The following NRG3 variants were observed in gnomAD, a reference collection of about 807,000 sequenced individuals.
NRG3 encodes the protein pro-neuregulin-3, membrane-bound isoform.
In NRG3, 31 loss-of-function variants were observed where a neutral mutation model predicts 66.9. The ratio of observed to expected loss-of-function variants is 0.46; its 90% CI spans 0.35 to 0.63. The LOEUF is 0.63. Among genes scored for constraint, NRG3 ranks in the 20% least tolerant of loss-of-function variants. NRG3 has a pLI of 0.00. For synonymous variants in NRG3, 393 were observed against 359.4 expected, an observed-to-expected ratio of 1.09 and a Z score of -1.06; for missense variants, 910 against 878.9, an observed-to-expected ratio of 1.04 and a Z score of -0.45.
chr10:82,255,617 A>C (rs879688064), intron 1 of NRG3, among the ~76,000 whole-genome samples: 1 of 152,082 alleles, frequency 6.6e-6, no homozygotes, highest in Non-Finnish European at 1.5e-5. Flanking sequence ...ACAAACAAAC[A>C]AAAAACACAG....
At chr10:82,940,352 G>T (rs1848481851) in intron 4 of NRG3, among the ~76,000 whole-genome samples, 1 of 152,218 alleles carries the variant, frequency 6.6e-6, no homozygotes, top group East Asian at 1.9e-4. Flanking sequence ...TCTGGTAATT[G>T]GCTGTCACTC....
chr10:81,939,625 A>T, intron 1 of NRG3, among the ~76,000 whole-genome samples: 4 of 144,886 alleles, frequency 2.8e-5, no homozygotes, highest in South Asian at 2.2e-4. Flanking sequence ...CTCCTCTTTC[A>T]TTTCTGGTTT....
intron 1 of NRG3, among the ~76,000 whole-genome samples, chr10:82,197,831 T>C (rs189322582): frequency 5.9e-5 from 9 of 152,194 alleles, no homozygotes; most frequent in Admixed American, 5.2e-4. Flanking sequence ...AAGAAAAATT[T>C]GTCTCTATTT....
chr10:81,933,318 C>T (rs1178594981), intron 1 of NRG3, among the ~76,000 whole-genome samples: 1 of 151,916 alleles, frequency 6.6e-6, no homozygotes, highest in African/African-American at 2.4e-5. Context: ...CACAGCAGCT[C>T]TGCAAGATAG....
chr10:82,373,167 T>C (rs1315868133), intron 2 of NRG3, among the ~76,000 whole-genome samples: 1 of 152,210 alleles, frequency 6.6e-6, no homozygotes, highest in Non-Finnish European at 1.5e-5. Flanking sequence ...GGTTACCATA[T>C]TGGCACATAT....
chr10:82,904,100 A>G (rs1016885029), intron 4 of NRG3, among the ~76,000 whole-genome samples: 1 of 152,184 alleles, frequency 6.6e-6, no homozygotes, highest in African/African-American at 2.4e-5. Context: ...ATGGTACAAG[A>G]CAAGCTTGTC....
chr10:82,444,505 A>G (rs2090612404), intron 2 of NRG3, among the ~76,000 whole-genome samples: 1 of 152,208 alleles, frequency 6.6e-6, no homozygotes, highest in Non-Finnish European at 1.5e-5. Context: ...AATAAATAAT[A>G]TATAATTTAA....
intron 1 of NRG3, among the ~76,000 whole-genome samples, chr10:82,145,647 C>T (rs1450603757): frequency 2.0e-5 from 3 of 152,078 alleles, no homozygotes; most frequent in African/African-American, 4.8e-5. Flanking sequence ...TGTTGATGTA[C>T]GCTGTGTGTT....
At chr10:82,575,304 A>T (rs760485995) in intron 2 of NRG3, among the ~76,000 whole-genome samples, 1 of 151,770 alleles carries the variant, frequency 6.6e-6, no homozygotes, top group Non-Finnish European at 1.5e-5. Context: ...GAAAGTTGAT[A>T]ATCCTGGGGG....
chr10:82,166,037 T>A (rs1027394726), intron 1 of NRG3, among the ~76,000 whole-genome samples: 3 of 152,088 alleles, frequency 2.0e-5, no homozygotes, highest in South Asian at 2.1e-4. Flanking sequence ...ATTAATTTTT[T>A]TTGTGATGGA....
rs547009870 is a variant in NRG3, at chr10:82,098,323, C to CTA, written c.823+222168_823+222169dup. On this transcript the variant is annotated intron_variant, in intron 1 of 8. Transcript: ENST00000372141. ...TCATATATATAGATATAGATGTCATCTATATATATGACATATATATAGATG... is the reference window on the plus strand; with the variant it reads ...TCATATATATAGATATAGATGTCATCTATATATATATGACATATATATAGATG... Among the ~76,000 whole-genome samples, 832 of 149,654 alleles carry CTA rather than the reference C, an allele frequency of 5.6e-3. 12 individuals are homozygous for CTA. The highest frequency in any genetic ancestry group is 0.019 in the African/African-American group (756 of 39,760).
chr10:82,146,382 C>G lies in NRG3; in HGVS notation c.824-212357C>G, dbSNP rs534522086. Among the ~76,000 whole-genome samples the G allele has an allele frequency of 2.6e-5, 4 of 152,222 alleles. No individual in the cohort carries two copies. The East Asian group carries it at 7.7e-4, about 29-fold the overall frequency. ...GTGATCTCTGTGTTATTCGCCTCAG[C>G]TCCTGAATTCTGATTTATCGTCTCT... On this transcript the variant is annotated intron_variant, in intron 1 of 8. Transcript: ENST00000372141.
intron 6 of NRG3, among the ~76,000 whole-genome samples, chr10:82,968,665 G>GAGGGAGGC (rs760740355): frequency 0.38 from 54,791 of 146,070 alleles, 10,983 homozygotes; most frequent in Non-Finnish European, 0.48. Flanking sequence ...GGGAGGCAGG[G>GAGGGAGGC]AGGGAGGGAG....
At chr10:82,165,940 A>G (rs2133024799) in intron 1 of NRG3, among the ~76,000 whole-genome samples, 1 of 151,060 alleles carries the variant, frequency 6.6e-6, no homozygotes, top group East Asian at 1.9e-4. Flanking sequence ...TTCATTTTTT[A>G]TTTGTCCCAT....
At chr10:82,847,077 G>A (rs1419363861) in intron 3 of NRG3, among the ~76,000 whole-genome samples, 1 of 152,202 alleles carries the variant, frequency 6.6e-6, no homozygotes, top group African/African-American at 2.4e-5. Context: ...TACCATCGTA[G>A]CATGTGGTTT....
At chr10:82,758,526 A>T (rs866335433) in intron 3 of NRG3, among the ~76,000 whole-genome samples, 1 of 152,144 alleles carries the variant, frequency 6.6e-6, no homozygotes, top group Non-Finnish European at 1.5e-5. Flanking sequence ...ATTGCAAGAT[A>T]TGATAAGACT....
intron 3 of NRG3, among the ~76,000 whole-genome samples, chr10:82,845,713 T>C (rs1165841933): frequency 6.6e-6 from 1 of 152,156 alleles, no homozygotes; most frequent in Non-Finnish European, 1.5e-5. Flanking sequence ...TGGAAGAGTA[T>C]AAATATTTTA....
At chr10:82,435,165 A>G (rs2090057013) in intron 2 of NRG3, among the ~76,000 whole-genome samples, 1 of 152,006 alleles carries the variant, frequency 6.6e-6, no homozygotes, top group African/African-American at 2.4e-5. Flanking sequence ...TTCCTGGTTT[A>G]ATCTTGGTAG....
At chr10:82,390,766 A>G (rs1029756701) in intron 2 of NRG3, among the ~76,000 whole-genome samples, 7 of 152,186 alleles carry the variant, frequency 4.6e-5, no homozygotes, top group African/African-American at 1.7e-4. Flanking sequence ...TAAATGGACT[A>G]ACTTTGCATT....
Sources: allele counts gnomAD v4.1 joint callset (sites outside exome capture counted in the v4.1 genomes callset), GRCh38; gene constraint gnomAD v4.1.1; transcripts MANE v1.5; gene names NCBI Gene and HGNC (gene_info 2026-07-23, HGNC 2026-07-21).